The following KIF18A variants were observed in gnomAD, a reference collection of about 807,000 sequenced individuals.
The protein encoded by KIF18A is kinesin family member 18A, also known as kinesin-like protein KIF18A.
Under a neutral mutation model 103.3 loss-of-function variants are expected in KIF18A, and 67 were observed. That is an observed-to-expected ratio of 0.65 (90% confidence interval 0.53 to 0.79). The LOEUF is 0.79. Among genes scored for constraint, KIF18A ranks in the 30% least tolerant of loss-of-function variants. The pLI, the probability that KIF18A is intolerant of heterozygous loss-of-function variation, is 0.00. For synonymous variants in KIF18A, 367 were observed against 355.5 expected (o/e 1.03, Z -0.36); for missense variants, 1,032 against 1,062.5 (o/e 0.97, Z 0.40).
chr11:28,041,977 T>A (rs978891983), intron 13 of KIF18A, among the ~76,000 whole-genome samples: 1 of 151,656 alleles, frequency 6.6e-6, no homozygotes, highest in Non-Finnish European at 1.5e-5. Flanking sequence ...CTCCCACTCA[T>A]CAAGCTTGGG....
intron 6 of KIF18A, 81 bp from the exon 7 acceptor site, chr11:28,084,889 G>C (rs1851208102): frequency 4.6e-6 from 5 of 1,079,000 alleles, no homozygotes; most frequent in South Asian, 2.9e-5. Context: ...TTCACTGTGG[G>C]GGGAGGATTA....
chr11:28,062,289 T>C, intron 12 of KIF18A, 106 bp downstream of exon 12: 3 of 933,918 alleles, frequency 3.2e-6, no homozygotes, highest in Middle Eastern at 2.6e-4. Context: ...TTAAAAATAA[T>C]GTATCCTGTA....
In KIF18A at chr11:28,105,536, T is replaced by C. The variant is rs558161683; in HGVS notation, c.-47+2528A>G. ...TTAATACGTCTATCACCATTGATGCTGTACATTAAATGCCATGAACTTATT... is the reference window on the plus strand; with the variant it reads ...TTAATACGTCTATCACCATTGATGCCGTACATTAAATGCCATGAACTTATT... On this transcript the variant is annotated intron_variant, in intron 1 of 16. Coordinates refer to ENST00000263181, the MANE Select transcript of KIF18A (RefSeq NM_031217.4). Among the ~76,000 whole-genome samples, 6 of 152,338 alleles carry C rather than the reference T, an allele frequency of 3.9e-5. No individual in the cohort carries two copies. In the East Asian group the frequency reaches 1.2e-3, roughly 29 times the overall value.
Position 28,084,736 on chromosome 11 carries a change from A to T in KIF18A, c.970T>A (p.Cys324Ser), listed in dbSNP as rs1407110247. Residue 324 changes from cysteine (C) to serine (S), a missense_variant, in exon 7 of 17, where the codon TGT (cysteine) becomes AGT (serine). Cys to Ser is a moderately radical substitution (Grantham distance 112, BLOSUM62 -1). Coordinates refer to ENST00000263181, the MANE Select transcript of KIF18A (RefSeq NM_031217.4). ...RLLKDSLGGN[C>S]QTIMIAAVSP... is the part of the protein sequence containing the mutation. ...ACAGCAGCTATCATTATAGTTTGAC[A>T]GTTTCCTCCAAGAGAATCCTTTAAC... is the stretch of plus-strand genomic sequence containing the variant. 6.2e-7 allele frequency: 1 copy of T among 1,612,078 alleles called. No individual in the cohort carries two copies. Among genetic ancestry groups the T allele is most frequent in the African/African-American group, 1.3e-5 (1 of 74,876 alleles).
chr11:28,065,200 G>T (rs1366781378), intron 11 of KIF18A, among the ~76,000 whole-genome samples: 1 of 152,024 alleles, frequency 6.6e-6, no homozygotes, highest in East Asian at 1.9e-4. Context: ...AAAGTCAGAA[G>T]TTCTGGGTAT....
intron 15 of KIF18A, among the ~76,000 whole-genome samples, chr11:28,028,064 A>C (rs898783061): frequency 1.3e-5 from 2 of 152,038 alleles, no homozygotes. Context: ...CCAATGTGAT[A>C]CATTGTATCA....
At chr11:28,054,212 A>T (rs1204137387) in intron 13 of KIF18A, among the ~76,000 whole-genome samples, 1 of 143,988 alleles carries the variant, frequency 6.9e-6, no homozygotes, top group Non-Finnish European at 1.5e-5. Context: ...ATCTCATCAG[A>T]TTTTTTTTTT....
intron 10 of KIF18A, among the ~76,000 whole-genome samples, chr11:28,070,477 CAG>C (rs1850998751): frequency 2.0e-5 from 3 of 152,072 alleles, no homozygotes; most frequent in Admixed American, 2.0e-4. Flanking sequence ...ATACAAGAGT[CAG>C]AGAGAAGCAG....
At chr11:28,069,536 C>A in intron 10 of KIF18A, 113 bp from the exon 11 acceptor site, 1 of 1,008,602 alleles carries the variant, frequency 9.9e-7, no homozygotes, top group Non-Finnish European at 1.4e-6. Flanking sequence ...TTAAGTTAGG[C>A]TACATTTTTG....
intron 11 of KIF18A, among the ~76,000 whole-genome samples, chr11:28,068,693 A>T (rs532859515): frequency 6.6e-6 from 1 of 152,248 alleles, no homozygotes; most frequent in Non-Finnish European, 1.5e-5. Context: ...TCATGAAACG[A>T]CAAGCACGAT....
Position 28,062,441 on chromosome 11 carries a change from T to C in KIF18A, c.1666A>G (p.Met556Val). ...KDLKAQIRHM[M>V]DLACLQEQQH... ...TGTTCCTGAAGACAAGCTAGATCCATCATATGTCTAATTTGTGCTTTCAAA... is the reference window on the plus strand; with the variant it reads ...TGTTCCTGAAGACAAGCTAGATCCACCATATGTCTAATTTGTGCTTTCAAA... The change falls in exon 12 of 17, where the codon ATG (methionine) becomes GTG (valine). Residue 556 changes from methionine to valine, a missense_variant. Coordinates refer to ENST00000263181, the MANE Select transcript of KIF18A (RefSeq NM_031217.4). The C allele has an allele frequency of 2.5e-6, 4 of 1,612,000 alleles. No individual in the cohort carries two copies. The highest frequency in any genetic ancestry group is 2.5e-6 in the Non-Finnish European group (3 of 1,178,676).
At chr11:28,077,270 C>CTGTGAATT in intron 9 of KIF18A, 101 bp from the exon 10 acceptor site, 3 of 680,378 alleles carry the variant, frequency 4.4e-6, no homozygotes, top group Non-Finnish European at 7.1e-6. Flanking sequence ...ATATGTAATT[C>CTGTGAATT]ACAGAACTAC....
At chr11:28,054,179 A>G (rs1010024343) in intron 13 of KIF18A, among the ~76,000 whole-genome samples, 12 of 151,992 alleles carry the variant, frequency 7.9e-5, no homozygotes, top group Non-Finnish European at 1.8e-4. Flanking sequence ...GCCCAACAAT[A>G]TAGACTATAT....
chr11:28,099,201 T>TA (rs1851415695), intron 1 of KIF18A, among the ~76,000 whole-genome samples: 4 of 152,122 alleles, frequency 2.6e-5, no homozygotes, highest in Non-Finnish European at 5.9e-5. Context: ...TGAATGAATC[T>TA]AGGGGGCATT....
intron 12 of KIF18A, among the ~76,000 whole-genome samples, chr11:28,062,128 T>TGTA (rs1352872520): frequency 6.6e-6 from 1 of 152,114 alleles, no homozygotes; most frequent in Admixed American, 6.6e-5. Context: ...TTTCAATGTG[T>TGTA]GTAGGTACTT....
At chr11:28,062,303 C>A in intron 12 of KIF18A, 92 bp downstream of exon 12, 1 of 1,156,282 alleles carries the variant, frequency 8.6e-7, no homozygotes, top group South Asian at 2.0e-5. Context: ...TCCTGTAACA[C>A]ATAAAACTCA....
At chr11:28,096,864 ATC>A (rs4029361) in intron 2 of KIF18A, among the ~76,000 whole-genome samples, 9 of 147,956 alleles carry the variant, frequency 6.1e-5, no homozygotes, top group East Asian at 2.0e-4. Context: ...CATCTTGGGT[ATC>A]TCTCTCTCTC....
intron 9 of KIF18A, among the ~76,000 whole-genome samples, chr11:28,079,147 G>A (rs796460391): frequency 2.0e-5 from 3 of 152,040 alleles, no homozygotes; most frequent in African/African-American, 7.2e-5. Context: ...AGAAAGAAAG[G>A]TTCAATTATT....
At chr11:28,042,563 T>C (rs778116826) in intron 13 of KIF18A, among the ~76,000 whole-genome samples, 4 of 151,954 alleles carry the variant, frequency 2.6e-5, no homozygotes, top group Non-Finnish European at 5.9e-5. Flanking sequence ...TTGTAATGAA[T>C]GAGTTTTGAT....
Sources: gnomAD v4.1 joint callset for allele counts (sites outside exome capture counted in the v4.1 genomes callset) on GRCh38, gnomAD v4.1.1 for gene constraint, MANE v1.5 for transcripts, NCBI Gene and HGNC (gene_info 2026-07-23, HGNC 2026-07-21) for gene names.